The following CPSF3 variants were observed in gnomAD, a reference collection of about 807,000 sequenced individuals.
CPSF3 encodes the protein cleavage and polyadenylation specific factor 3, also known as cleavage and polyadenylation specificity factor subunit 3.
A neutral mutation model predicts 84.1 loss-of-function variants in CPSF3; 57 were observed. That is an observed-to-expected ratio of 0.68 (90% confidence interval 0.55 to 0.85). The LOEUF is 0.85. Ranked by LOEUF, CPSF3 falls within the 40% of genes least tolerant of loss-of-function variation. The pLI is 0.00. For synonymous variants in CPSF3, 275 were observed against 278.1 expected, an observed-to-expected ratio of 0.99 and a Z score of 0.11; for missense variants, 522 against 838.8, an observed-to-expected ratio of 0.62 and a Z score of 4.66.
At chr2:9,464,142 T>C (rs959570367) in intron 15 of CPSF3, among the ~76,000 whole-genome samples, 1 of 152,214 alleles carries the variant, frequency 6.6e-6, no homozygotes, top group African/African-American at 2.4e-5. Flanking sequence ...AGGGGAAATC[T>C]TATATATTTT....
chr2:9,434,029 A>G, intron 6 of CPSF3, 69 bp downstream of exon 6: 1 of 855,802 alleles, frequency 1.2e-6, no homozygotes, highest in South Asian at 1.5e-5. Flanking sequence ...GGAAAATAAT[A>G]CTGTGATCTC....
At chr2:9,459,825 T>G (rs1482232600) in intron 15 of CPSF3, among the ~76,000 whole-genome samples, 3 of 151,712 alleles carry the variant, frequency 2.0e-5, no homozygotes, top group Non-Finnish European at 4.4e-5. Context: ...AATTTTTGTA[T>G]TTTTAGTAGA....
chr2:9,452,360 G>T (rs1176239233), intron 11 of CPSF3, among the ~76,000 whole-genome samples: 1 of 150,208 alleles, frequency 6.7e-6, no homozygotes, highest in African/African-American at 2.4e-5. Flanking sequence ...TGGGTTTCAC[G>T]TTTGTAGTAT....
chr2:9,440,597 G>A lies in CPSF3; in HGVS notation c.867G>A (p.Met289Ile). 1 of 1,614,176 alleles carries A rather than the reference G, an allele frequency of 6.2e-7. No individual in the cohort carries two copies. The highest frequency in any genetic ancestry group is 8.5e-7 in the Non-Finnish European group (1 of 1,180,038). Residue 289 changes from methionine (M) to isoleucine (I), a missense_variant, in exon 8 of 18, where the codon ATG (methionine) becomes ATA (isoleucine). Met to Ile is a conservative substitution (Grantham distance 10). Transcript: ENST00000238112. ...MAVYQTYVNAMNDKIRKQINI... is the reference protein window; with the variant it reads ...MAVYQTYVNAINDKIRKQINI... Reference sequence around the variant, plus strand: ...TGTACCAGACATATGTAAATGCCATGAATGACAAAATCCGCAAACAGATCA... The same window carrying A: ...TGTACCAGACATATGTAAATGCCATAAATGACAAAATCCGCAAACAGATCA...
At chr2:9,465,657 G>C (rs888579992) in intron 15 of CPSF3, among the ~76,000 whole-genome samples, 31 of 152,152 alleles carry the variant, frequency 2.0e-4, no homozygotes, top group African/African-American at 6.7e-4. Flanking sequence ...ATCCAAACTT[G>C]AGATTTTCAC....
intron 12 of CPSF3, 81 bp downstream of exon 12, chr2:9,453,102 G>A: frequency 1.2e-6 from 1 of 838,762 alleles, no homozygotes; most frequent in Middle Eastern, 2.9e-4. Context: ...TCACCTTGTG[G>A]CCTAATGTTA....
intron 6 of CPSF3, among the ~76,000 whole-genome samples, chr2:9,435,990 C>T (rs1572773382): frequency 6.6e-6 from 1 of 152,098 alleles, no homozygotes; most frequent in African/African-American, 2.4e-5. Context: ...ACCTTGGCTT[C>T]CCAAAGTGCT....
intron 1 of CPSF3, 100 bp from the exon 2 acceptor site, chr2:9,428,665 A>AG: frequency 1.4e-6 from 1 of 733,206 alleles, no homozygotes; most frequent in Non-Finnish European, 2.4e-6. Flanking sequence ...AGGTGCTGTC[A>AG]TCAGATGGCA....
chr2:9,432,794 G>A (rs989418190), intron 5 of CPSF3, 106 bp downstream of exon 5: 1 of 839,970 alleles, frequency 1.2e-6, no homozygotes, highest in Non-Finnish European at 1.6e-6. Context: ...CAAAGTGTCA[G>A]AACACGGAAA....
intron 1 of CPSF3, among the ~76,000 whole-genome samples, chr2:9,426,268 C>A (rs1365024516): frequency 2.6e-5 from 4 of 152,040 alleles, no homozygotes; most frequent in African/African-American, 9.7e-5. Context: ...CTGTGAAGGG[C>A]AAATTAGAGG....
rs73154790 is a variant in CPSF3, at chr2:9,452,878, A to G, written c.1396-35A>G. 1.6e-3 allele frequency: 2,276 copies of G among 1,407,686 alleles called. 35 individuals are homozygous for G. The African/African-American group carries it at 0.03, about 18-fold the overall frequency. The allele number at this position is 1,407,686 out of a possible 1,614,324, so 87.2% of individuals were successfully genotyped here. ...ATTACCTGAAAAACTGCATTTTACC[A>G]GGTTCTATTTTCTTCAAGTATTTTT... is the stretch of plus-strand genomic sequence containing the variant. On this transcript the variant is annotated intron_variant, in intron 11 of 17. Transcript: ENST00000238112.
chr2:9,472,299 G>A (rs1037289786), intron 17 of CPSF3, among the ~76,000 whole-genome samples: 5 of 145,162 alleles, frequency 3.4e-5, no homozygotes, highest in Non-Finnish European at 7.5e-5. Flanking sequence ...CAGCCTGGGC[G>A]ACAGAGCGAG....
chr2:9,439,420 C>A (rs1223950352), intron 7 of CPSF3, among the ~76,000 whole-genome samples: 1 of 144,110 alleles, frequency 6.9e-6, no homozygotes, highest in Non-Finnish European at 1.5e-5. Context: ...TTGCAGTGAG[C>A]GGAGATCGCG....
chr2:9,471,179 G>A (rs6759515), intron 16 of CPSF3, among the ~76,000 whole-genome samples, 164 bp from the exon 17 acceptor site: 10,497 of 151,362 alleles, frequency 0.069, 1,238 homozygotes, highest in African/African-American at 0.24. Context: ...GTGCCACTGC[G>A]CTCCAGCCTG....
At chr2:9,465,277 CTT>C (rs1214775067) in intron 15 of CPSF3, among the ~76,000 whole-genome samples, 1 of 152,056 alleles carries the variant, frequency 6.6e-6, no homozygotes, top group African/African-American at 2.4e-5. Context: ...TTTGAAGTCT[CTT>C]TGAAATGACA....
intron 14 of CPSF3, 24 bp downstream of exon 14, chr2:9,457,051 A>AGTT: frequency 7.3e-7 from 1 of 1,371,230 alleles, no homozygotes; most frequent in Non-Finnish European, 1.0e-6. Flanking sequence ...ATTTACCTAA[A>AGTT]CAATGAGGGG....
At chr2:9,455,423 C>T (rs1260985401) in intron 12 of CPSF3, among the ~76,000 whole-genome samples, 1 of 151,976 alleles carries the variant, frequency 6.6e-6, no homozygotes, top group Non-Finnish European at 1.5e-5. Flanking sequence ...CATGAGCCAC[C>T]GCGCCTGGCC....
chr2:9,471,469 G>A (rs1415963312), intron 17 of CPSF3, 30 bp downstream of exon 17: 2 of 1,325,764 alleles, frequency 1.5e-6, no homozygotes, highest in Non-Finnish European at 2.2e-6. Context: ...TACGTTTCAA[G>A]ACATTTGGGA....
intron 10 of CPSF3, among the ~76,000 whole-genome samples, chr2:9,444,675 T>G (rs1313416908): frequency 6.6e-6 from 1 of 151,974 alleles, no homozygotes; most frequent in Non-Finnish European, 1.5e-5. Flanking sequence ...TTTGTTTGTT[T>G]GTTTGTTTGG....
Sources: gnomAD v4.1 joint callset for allele counts (sites outside exome capture counted in the v4.1 genomes callset) on GRCh38, gnomAD v4.1.1 for gene constraint, MANE v1.5 for transcripts, NCBI Gene and HGNC (gene_info 2026-07-23, HGNC 2026-07-21) for gene names.